Variants in ENO4 observed in about 807,000 individuals in gnomAD.
The protein encoded by ENO4 is enolase 4, also known as 2-phospho-D-glycerate hydro-lyase.
In ENO4, 53 loss-of-function variants were observed where a neutral mutation model predicts 63.2. The ratio of observed to expected loss-of-function variants is 0.84; its 90% CI spans 0.67 to 1.05. ENO4 has a LOEUF of 1.05. Among genes scored for constraint, ENO4 ranks in the 50% least tolerant of loss-of-function variants. The probability of loss-of-function intolerance (pLI) is 0.00; values close to 1 mark genes in which losing one functional copy is unlikely to be tolerated. For missense variants in ENO4, 719 were observed against 772.0 expected (o/e 0.93, Z 0.81); for synonymous variants, 266 against 283.8 (o/e 0.94, Z 0.63).
At chr10:116,860,696 C>A in intron 4 of ENO4, 98 bp from the exon 5 acceptor site, 1 of 942,772 alleles carries the variant, frequency 1.1e-6, no homozygotes, top group Non-Finnish European at 1.4e-6. Flanking sequence ...ATTTGTTGTT[C>A]CCAGCCTCGG....
chr10:116,911,833 G>T, downstream of ENO4: 1 of 1,610,870 alleles, frequency 6.2e-7, no homozygotes, highest in Non-Finnish European at 8.5e-7. Context: ...GCAGCCTTTC[G>T]AAGATTCTGG....
chr10:116,856,443 T>C (rs547842948), intron 2 of ENO4, 49 bp from the exon 3 acceptor site: 4 of 1,445,880 alleles, frequency 2.8e-6, no homozygotes, highest in Non-Finnish European at 3.7e-6. Flanking sequence ...TAATTTCCTC[T>C]TTCTGGGAGA....
rs772187861 is a variant in ENO4 at position 116,849,716 on chromosome 10, C to A, written c.150C>A (p.Asp50Glu). 162 of 1,529,216 alleles carry A rather than the reference C, an allele frequency of 1.1e-4. No homozygotes were observed. The highest frequency in any genetic ancestry group is 1.8e-4 in the Admixed American group (9 of 48,942). 94.7% of individuals were successfully genotyped at this position (1,529,216 alleles called of 1,614,324 possible). ...LNSTFYLQPA[D>E]VYGHLANCFS... ...CCACCTTCTACCTCCAGCCTGCCGA[C>A]GTCTACGGGCACCTGGTAGGGACCT... Residue 50 changes from aspartate (D) to glutamate (E), a missense_variant, in exon 1 of 14, where the codon GAC (aspartate) becomes GAA (glutamate). Coordinates refer to ENST00000341276, the MANE Select transcript of ENO4 (RefSeq NM_001242699.2).
At chr10:116,868,439 C>T (rs1846601751) in intron 7 of ENO4, 1 of 684,866 alleles carries the variant, frequency 1.5e-6, no homozygotes, top group Non-Finnish European at 2.7e-6. Flanking sequence ...AAAGGAAACA[C>T]ATTCCTGAAT....
chr10:116,864,739 G>A (rs1846507803), intron 7 of ENO4, among the ~76,000 whole-genome samples: 1 of 152,088 alleles, frequency 6.6e-6, no homozygotes, highest in African/African-American at 2.4e-5. Flanking sequence ...AAGTAGATAG[G>A]TCAGGCGCAG....
chr10:116,897,554 G>A (rs529964048), intron 10 of ENO4, among the ~76,000 whole-genome samples: 25 of 152,196 alleles, frequency 1.6e-4, no homozygotes, highest in African/African-American at 5.8e-4. Flanking sequence ...AAAACCCAGG[G>A]GTCTAGTATC....
intron 10 of ENO4, among the ~76,000 whole-genome samples, chr10:116,903,815 A>C (rs1847849370): frequency 1.3e-5 from 2 of 152,206 alleles, no homozygotes; most frequent in Admixed American, 1.3e-4. Flanking sequence ...TAGTGAGCTA[A>C]GCTACAGCTC....
chr10:116,907,531 T>C (rs1265055429), intron 10 of ENO4, among the ~76,000 whole-genome samples: 1 of 152,170 alleles, frequency 6.6e-6, no homozygotes, highest in Non-Finnish European at 1.5e-5. Context: ...CCGGGAAGTA[T>C]GTTACAGAGT....
chr10:116,866,987 C>A (rs1361264127), intron 7 of ENO4, among the ~76,000 whole-genome samples: 2 of 152,084 alleles, frequency 1.3e-5, no homozygotes. Flanking sequence ...TAATTTAAAT[C>A]TATTTTGAGA....
downstream of ENO4, chr10:116,884,252 G>T (rs934751124): frequency 3.5e-5 from 16 of 458,722 alleles, no homozygotes; most frequent in Admixed American, 3.7e-4. Flanking sequence ...CCCTTGCTTT[G>T]GTTGACAGTG....
chr10:116,862,136 T>C (rs988126826), intron 6 of ENO4, among the ~76,000 whole-genome samples: 12 of 152,182 alleles, frequency 7.9e-5, no homozygotes, highest in Admixed American at 6.5e-4. Context: ...TAATCCAGAC[T>C]ACCTTGGTGA....
At chr10:116,889,132 G>A (rs2133299510) in intron 10 of ENO4, among the ~76,000 whole-genome samples, 1 of 152,322 alleles carries the variant, frequency 6.6e-6, no homozygotes, top group South Asian at 2.1e-4. Flanking sequence ...ATGTTTCCAT[G>A]CTCGTGTGTG....
intron 10 of ENO4, chr10:116,906,826 A>G: frequency 8.6e-7 from 1 of 1,157,260 alleles, no homozygotes; most frequent in Non-Finnish European, 1.2e-6. Context: ...TCAAACCATG[A>G]AAACATTACC....
intron 8 of ENO4, 33 bp from the exon 9 acceptor site, chr10:116,871,092 A>G: frequency 6.5e-7 from 1 of 1,546,890 alleles, no homozygotes; most frequent in Non-Finnish European, 8.7e-7. Flanking sequence ...AATGTGCTGT[A>G]TTGACATGGA....
chr10:116,849,643 A>C lies in ENO4; in HGVS notation c.77A>C (p.Tyr26Ser). 3 of 1,550,300 alleles carry C rather than the reference A, an allele frequency of 1.9e-6. No individual in the cohort carries two copies. Among genetic ancestry groups the C allele is most frequent in the Non-Finnish European group, 2.6e-6 (3 of 1,146,852 alleles). ...AAGCTGAAGCAGCAGGCGATGGAGT[A>C]CTACCGGGAGAACGACGTTCCGCGC... Reference protein sequence around the residue: ...LQKLKQQAMEYYRENDVPRRL... With the variant: ...LQKLKQQAMESYRENDVPRRL... The change falls in exon 1 of 14, where the codon TAC becomes TCC. Residue 26 changes from tyrosine to serine, a missense_variant. Physicochemically the swap from Tyr to Ser is moderately radical, Grantham distance 144 (BLOSUM62 -2). This residue lies in a region of ENO4 where 544 missense variants were observed against 583.6 expected (regional missense o/e 0.93). Coordinates refer to ENST00000341276, the MANE Select transcript of ENO4 (RefSeq NM_001242699.2).
chr10:116,909,095 A>G (rs1277939351), intron 10 of ENO4, among the ~76,000 whole-genome samples: 1 of 152,220 alleles, frequency 6.6e-6, no homozygotes, highest in Non-Finnish European at 1.5e-5. Context: ...TGTGGTACAT[A>G]TAATTCCTTC....
At chr10:116,892,948 T>C (rs1363267412) in intron 10 of ENO4, among the ~76,000 whole-genome samples, 2 of 152,224 alleles carry the variant, frequency 1.3e-5, no homozygotes, top group African/African-American at 4.8e-5. Context: ...AATGGTATAT[T>C]TTATACAAAG....
At chr10:116,879,831 G>T in intron 12 of ENO4, 38 bp from the exon 13 acceptor site, 1 of 1,438,780 alleles carries the variant, frequency 7.0e-7, no homozygotes, top group Non-Finnish European at 9.5e-7. Context: ...GCAAGACATG[G>T]CTCCTCCGTC....
At chr10:116,878,825 G>C (rs1371699489) in intron 11 of ENO4, among the ~76,000 whole-genome samples, 4 of 144,076 alleles carry the variant, frequency 2.8e-5, no homozygotes, top group Non-Finnish European at 6.0e-5. Flanking sequence ...CTCACTGCAA[G>C]CTCTGCCTCC....
Sources: allele counts gnomAD v4.1 joint callset (sites outside exome capture counted in the v4.1 genomes callset), GRCh38; gene constraint gnomAD v4.1.1; regional missense constraint gnomAD v4.1.1; transcripts MANE v1.5; gene names NCBI Gene and HGNC (gene_info 2026-07-23, HGNC 2026-07-21).